The following PCSK2 variants were observed in gnomAD, a reference collection of about 807,000 sequenced individuals.
PCSK2 encodes neuroendocrine convertase 2.
In PCSK2, 14 loss-of-function variants were observed where a neutral mutation model predicts 69.7. The observed-to-expected ratio is 0.20, with a 90% CI of 0.13 to 0.31. The LOEUF (loss-of-function observed/expected upper bound fraction) is 0.31, where lower values mean the gene tolerates loss of function less well. Ranked by LOEUF, PCSK2 falls within the 10% of genes least tolerant of loss-of-function variation. PCSK2 has a pLI of 1.00. For missense variants in PCSK2, 544 were observed against 842.5 expected, an observed-to-expected ratio of 0.65 and a Z score of 4.39; for synonymous variants, 307 against 320.7, an observed-to-expected ratio of 0.96 and a Z score of 0.46.
chr20:17,395,500 G>C (rs1209295047), intron 5 of PCSK2, among the ~76,000 whole-genome samples: 2 of 152,140 alleles, frequency 1.3e-5, no homozygotes, highest in Non-Finnish European at 2.9e-5. Flanking sequence ...TGAGTCAGAA[G>C]GTCACATTTT....
rs73255644 is a variant in PCSK2, at chr20:17,363,181, C to T, written c.505+2541C>T. ...TGTGTGGCAAATGTTCAATCATCTG[C>T]GTGCAGAAGTTTAAATTTGTGGACA... On this transcript the variant is annotated intron_variant, in intron 4 of 11. Transcript: ENST00000262545. Among the ~76,000 whole-genome samples, 453 of 152,350 alleles carry T rather than the reference C, an allele frequency of 3.0e-3. 3 individuals are homozygous for T. Among genetic ancestry groups the T allele is most frequent in the African/African-American group, 0.01 (429 of 41,584 alleles).
At chr20:17,315,469 G>C (rs1600483333) in intron 2 of PCSK2, among the ~76,000 whole-genome samples, 1 of 152,160 alleles carries the variant, frequency 6.6e-6, no homozygotes, top group Non-Finnish European at 1.5e-5. Context: ...TCCAGAGGGG[G>C]CCTCCCTCCT....
chr20:17,361,742 T>A (rs947337678), intron 4 of PCSK2, among the ~76,000 whole-genome samples: 6 of 152,230 alleles, frequency 3.9e-5, no homozygotes, highest in Non-Finnish European at 7.3e-5. Context: ...AATGCCTCAA[T>A]GTTTTTTGAT....
At chr20:17,345,384 T>G (rs1399751621) in intron 2 of PCSK2, among the ~76,000 whole-genome samples, 1 of 152,138 alleles carries the variant, frequency 6.6e-6, no homozygotes, top group Non-Finnish European at 1.5e-5. Context: ...GCCTGTGAGG[T>G]CAAGAATTCC....
At chr20:17,444,389 A>C (rs1452850309) in intron 8 of PCSK2, among the ~76,000 whole-genome samples, 1 of 152,186 alleles carries the variant, frequency 6.6e-6, no homozygotes, top group Non-Finnish European at 1.5e-5. Context: ...CTCCTTAGGG[A>C]TTTGAAGTTT....
chr20:17,245,307 T>TATC (rs1332349081), intron 1 of PCSK2, among the ~76,000 whole-genome samples: 1 of 152,176 alleles, frequency 6.6e-6, no homozygotes, highest in Non-Finnish European at 1.5e-5. Flanking sequence ...CTAGCCTTGT[T>TATC]ATCTGTGTGG....
At chr20:17,424,993 C>G (rs1488280451) in intron 6 of PCSK2, among the ~76,000 whole-genome samples, 3 of 151,568 alleles carry the variant, frequency 2.0e-5, no homozygotes, top group African/African-American at 7.3e-5. Flanking sequence ...CCAGGCTGGT[C>G]TTGAACTCCT....
rs185717208 is a variant in PCSK2, at chr20:17,432,841, A to T, written c.709+3318A>T. Among the ~76,000 whole-genome samples, 649 of 152,284 alleles carry T rather than the reference A, an allele frequency of 4.3e-3. 7 individuals are homozygous for T. Among genetic ancestry groups the T allele is most frequent in the African/African-American group, 0.015 (615 of 41,548 alleles). On this transcript the variant is annotated intron_variant, in intron 7 of 11. Coordinates refer to ENST00000262545, the MANE Select transcript of PCSK2 (RefSeq NM_002594.5). ...TGTGGGCACCTTCCTGTTGCAGGGG[A>T]TGGAAGCTGGCGGACAGGTCCCCTG...
chr20:17,384,269 T>C (rs1002226528), intron 5 of PCSK2, among the ~76,000 whole-genome samples: 1 of 152,012 alleles, frequency 6.6e-6, no homozygotes, highest in Non-Finnish European at 1.5e-5. Flanking sequence ...AATCTGTATT[T>C]AAGTGACTAC....
chr20:17,393,049 G>C (rs1323463477), intron 5 of PCSK2, among the ~76,000 whole-genome samples: 2 of 152,140 alleles, frequency 1.3e-5, no homozygotes, highest in Admixed American at 1.3e-4. Flanking sequence ...GCTTTACTCT[G>C]TAAATATCAT....
At chr20:17,239,524 A>G (rs1600399992) in intron 1 of PCSK2, among the ~76,000 whole-genome samples, 1 of 152,140 alleles carries the variant, frequency 6.6e-6, no homozygotes, top group Non-Finnish European at 1.5e-5. Context: ...CCAAATTTGG[A>G]CCCAGCAGCC....
chr20:17,429,370 C>A, intron 6 of PCSK2, 65 bp from the exon 7 acceptor site: 1 of 1,141,524 alleles, frequency 8.8e-7, no homozygotes, highest in Non-Finnish European at 1.3e-6. Context: ...GAATTTTGAG[C>A]CCATGAGAGA....
intron 11 of PCSK2, among the ~76,000 whole-genome samples, chr20:17,467,078 T>C (rs899913120): frequency 6.6e-6 from 1 of 152,114 alleles, no homozygotes; most frequent in Non-Finnish European, 1.5e-5. Flanking sequence ...CTGGCCAGAG[T>C]CCAACCCCTC....
chr20:17,357,239 C>T (rs2030234858), intron 2 of PCSK2, among the ~76,000 whole-genome samples: 3 of 152,164 alleles, frequency 2.0e-5, no homozygotes, highest in African/African-American at 7.2e-5. Flanking sequence ...CATCCAAGAG[C>T]TTGGGGTTCT....
At chr20:17,457,571 T>C (rs1052522838) in intron 10 of PCSK2, among the ~76,000 whole-genome samples, 2 of 152,180 alleles carry the variant, frequency 1.3e-5, no homozygotes, top group Non-Finnish European at 2.9e-5. Flanking sequence ...AAATTTATGA[T>C]GCCAAGACAC....
intron 2 of PCSK2, among the ~76,000 whole-genome samples, chr20:17,271,561 A>C (rs2123025557): frequency 1.3e-5 from 2 of 152,166 alleles, no homozygotes; most frequent in South Asian, 4.1e-4. Context: ...CAAGCAAGAG[A>C]ATAAACGGCA....
Position 17,227,315 on chromosome 20 carries a change from G to A in PCSK2, c.10G>A (p.Gly4Ser), listed in dbSNP as rs775106898. 9.3e-6 allele frequency: 15 copies of A among 1,613,698 alleles called. No individual in the cohort carries two copies. In the East Asian group the frequency reaches 3.3e-4, roughly 36 times the overall value. Residue 4 changes from glycine (G) to serine (S), a missense_variant, in exon 1 of 12, where the codon GGT (glycine) becomes AGT (serine). Gly to Ser is a moderately conservative substitution (Grantham distance 56). Transcript: ENST00000262545. ...TCACTCCCAAAGAAGGATGAAGGGT[G>A]GTTGTGTCTCCCAGTGGAAGGCGGC... MKG[G>S]CVSQWKAAAG...
chr20:17,243,188 C>A (rs1986647448), intron 1 of PCSK2, among the ~76,000 whole-genome samples: 1 of 151,934 alleles, frequency 6.6e-6, no homozygotes, highest in Admixed American at 6.6e-5. Flanking sequence ...CAATGAGTTG[C>A]TTCTTGTTTG....
chr20:17,314,105 C>T (rs1470503816), intron 2 of PCSK2, among the ~76,000 whole-genome samples: 1 of 151,784 alleles, frequency 6.6e-6, no homozygotes. Context: ...TATTAATATA[C>T]ATTGCCTAAC....
Sources: allele counts gnomAD v4.1 joint callset (sites outside exome capture counted in the v4.1 genomes callset), GRCh38; gene constraint gnomAD v4.1.1; transcripts MANE v1.5; gene names NCBI Gene and HGNC (gene_info 2026-07-23, HGNC 2026-07-21).